Variants in AP2B1 observed in about 807,000 individuals in gnomAD.
AP2B1 encodes AP-2 complex subunit beta.
A neutral mutation model predicts 102.0 loss-of-function variants in AP2B1; 23 were observed. The observed-to-expected ratio is 0.23, with a 90% confidence interval of 0.16 to 0.32. AP2B1 has a LOEUF of 0.32. Among genes scored for constraint, AP2B1 ranks in the 10% least tolerant of loss-of-function variants. AP2B1 has a pLI of 1.00. For missense variants in AP2B1, 541 were observed against 1,157.4 expected (o/e 0.47, Z 7.73); for synonymous variants, 381 against 421.2 (o/e 0.90, Z 1.17).
At chr17:35,635,476 C>T (rs1252092733) in intron 9 of AP2B1, among the ~76,000 whole-genome samples, 1 of 150,770 alleles carries the variant, frequency 6.6e-6, no homozygotes, top group Non-Finnish European at 1.5e-5. Context: ...CCTCTGCCTC[C>T]TGGATTCAAG....
At chr17:35,629,658 C>T (rs1301710352) in intron 9 of AP2B1, among the ~76,000 whole-genome samples, 2 of 152,254 alleles carry the variant, frequency 1.3e-5, no homozygotes, top group African/African-American at 4.8e-5. Flanking sequence ...AAGTGCAGCT[C>T]GTTTCTGTTT....
chr17:35,605,577 C>T (rs1283683025), intron 3 of AP2B1, 128 bp from the exon 4 acceptor site: 3 of 723,966 alleles, frequency 4.1e-6, no homozygotes, highest in Admixed American at 2.5e-5. Context: ...ATTTCTGTGA[C>T]AGTTACCACT....
chr17:35,645,458 C>T (rs377226251), intron 12 of AP2B1, among the ~76,000 whole-genome samples: 3 of 152,268 alleles, frequency 2.0e-5, no homozygotes, highest in African/African-American at 7.2e-5. Flanking sequence ...GGGGGAAAAA[C>T]CCAACCCTTG....
At chr17:35,593,175 A>AT (rs765534972) in intron 1 of AP2B1, among the ~76,000 whole-genome samples, 6 of 151,136 alleles carry the variant, frequency 4.0e-5, no homozygotes, top group Admixed American at 6.6e-5. Flanking sequence ...AGAAAGCCAC[A>AT]TTTTTTTTTA....
At chr17:35,704,532 C>T (rs1398743166) in intron 18 of AP2B1, among the ~76,000 whole-genome samples, 2 of 152,150 alleles carry the variant, frequency 1.3e-5, no homozygotes, top group African/African-American at 4.8e-5. Context: ...AGATGAGAGA[C>T]AGACCCTCCA....
chr17:35,594,949 C>T (rs1294660677), intron 2 of AP2B1, among the ~76,000 whole-genome samples: 1 of 152,176 alleles, frequency 6.6e-6, no homozygotes, highest in African/African-American at 2.4e-5. Flanking sequence ...CCCATCTCAG[C>T]TTATTGTGCC....
rs1188713319 is a variant in AP2B1, at chr17:35,657,603, G to A, written c.1801G>A (p.Asp601Asn). 8.7e-6 allele frequency: 14 copies of A among 1,612,404 alleles called. No homozygotes were observed. The highest frequency in any genetic ancestry group is 1.2e-5 in the Non-Finnish European group (14 of 1,178,976). ...KHLPIHHGST[D>N]AGDSPVGTTT... is the part of the protein sequence containing the mutation. ...TTTATGTGTATGTGACTTTAGCACT[G>A]ATGCAGGTGACAGCCCTGTTGGCAC... Residue 601 changes from aspartate to asparagine, a missense_variant, in exon 14 of 22, where the codon GAT becomes AAT. Transcript: ENST00000610402.
At chr17:35,621,154 A>AAT in intron 5 of AP2B1, 1 of 194,124 alleles carries the variant, frequency 5.2e-6, no homozygotes, top group Non-Finnish European at 9.4e-6. Context: ...AAAACGGAAC[A>AAT]ATATATATTC....
At chr17:35,614,298 A>G (rs2073950510) in intron 5 of AP2B1, among the ~76,000 whole-genome samples, 1 of 152,146 alleles carries the variant, frequency 6.6e-6, no homozygotes, top group African/African-American at 2.4e-5. Flanking sequence ...CCTGGGCTCA[A>G]ACAGTCTTCC....
intron 14 of AP2B1, among the ~76,000 whole-genome samples, chr17:35,668,977 T>C (rs1285633790): frequency 2.0e-5 from 3 of 152,208 alleles, no homozygotes. Flanking sequence ...TTGTAATGCC[T>C]TGCATCCAGT....
At chr17:35,704,614 C>T (rs987586877) in intron 18 of AP2B1, among the ~76,000 whole-genome samples, 2 of 152,068 alleles carry the variant, frequency 1.3e-5, no homozygotes, top group Admixed American at 6.5e-5. Flanking sequence ...GAATTGTATG[C>T]GTTGGGTGCT....
intron 2 of AP2B1, among the ~76,000 whole-genome samples, chr17:35,594,870 T>C (rs2073214087): frequency 6.6e-6 from 1 of 152,222 alleles, no homozygotes; most frequent in South Asian, 2.1e-4. Context: ...TTTTGTAAAA[T>C]TGTTCCTAAA....
At chr17:35,651,818 A>C (rs765451843) in intron 13 of AP2B1, among the ~76,000 whole-genome samples, 9 of 152,160 alleles carry the variant, frequency 5.9e-5, no homozygotes, top group Non-Finnish European at 1.5e-5. Flanking sequence ...AGGAGATGTG[A>C]GCTTCATAAG....
chr17:35,642,671 C>G (rs973905258), intron 12 of AP2B1, among the ~76,000 whole-genome samples: 1 of 152,014 alleles, frequency 6.6e-6, no homozygotes, highest in Non-Finnish European at 1.5e-5. Flanking sequence ...GTCAGAGTTA[C>G]GATGTGTGTC....
chr17:35,687,339 C>G (rs2075957983), intron 18 of AP2B1, among the ~76,000 whole-genome samples: 1 of 151,542 alleles, frequency 6.6e-6, no homozygotes, highest in African/African-American at 2.4e-5. Context: ...AGGCTGGTCT[C>G]AAATTCCTGC....
At chr17:35,710,985 A>C (rs974829064) in intron 20 of AP2B1, among the ~76,000 whole-genome samples, 3 of 152,152 alleles carry the variant, frequency 2.0e-5, no homozygotes, top group African/African-American at 7.2e-5. Context: ...AACCTCTTTA[A>C]TCACCATTAA....
At chr17:35,667,455 A>G (rs2075492200) in intron 14 of AP2B1, among the ~76,000 whole-genome samples, 1 of 152,124 alleles carries the variant, frequency 6.6e-6, no homozygotes, top group Admixed American at 6.5e-5. Flanking sequence ...GTTGTATCTG[A>G]TATACTGAAC....
chr17:35,652,427 A>G (rs1465875731), intron 13 of AP2B1, among the ~76,000 whole-genome samples: 3 of 151,870 alleles, frequency 2.0e-5, no homozygotes, highest in African/African-American at 4.8e-5. Flanking sequence ...GTTTAAAAAT[A>G]CTCACTTCAC....
At chr17:35,603,884 C>T (rs1053835154) in intron 3 of AP2B1, among the ~76,000 whole-genome samples, 6 of 152,164 alleles carry the variant, frequency 3.9e-5, no homozygotes, top group African/African-American at 1.4e-4. Context: ...GAAAAGTCAG[C>T]CAGGGTTCTT....
Sources: gnomAD v4.1 joint callset for allele counts (sites outside exome capture counted in the v4.1 genomes callset) on GRCh38, gnomAD v4.1.1 for gene constraint, MANE v1.5 for transcripts, NCBI Gene and HGNC (gene_info 2026-07-23, HGNC 2026-07-21) for gene names.